NSMAF: variants seen among roughly 807,000 people sequenced by gnomAD.
NSMAF encodes the protein neutral sphingomyelinase activation associated factor.
Under a neutral mutation model 134.9 loss-of-function variants are expected in NSMAF, and 90 were observed. That is an observed-to-expected ratio of 0.67 (90% CI 0.56 to 0.79). The LOEUF (loss-of-function observed/expected upper bound fraction) is 0.79. Ranked by LOEUF, NSMAF falls within the 30% of genes least tolerant of loss-of-function variation. The pLI is 0.00. For synonymous variants in NSMAF, 358 were observed against 389.6 expected, an observed-to-expected ratio of 0.92 and a Z score of 0.96; for missense variants, 1,010 against 1,119.0, an observed-to-expected ratio of 0.90 and a Z score of 1.39.
chr8:58,645,312 T>A (rs903308875), intron 1 of NSMAF, among the ~76,000 whole-genome samples: 2 of 151,952 alleles, frequency 1.3e-5, no homozygotes, highest in African/African-American at 4.8e-5. Flanking sequence ...TCAGGCACAG[T>A]GGAGAGCAGG....
rs1340307746 is a variant in NSMAF, at chr8:58,641,068, T to C, written c.149+1916A>G. 2.6e-5 allele frequency among the ~76,000 whole-genome samples: 4 copies of C among 152,002 alleles called. No homozygotes were observed. In the East Asian group the frequency reaches 5.8e-4, roughly 22 times the overall value. On this transcript the variant is annotated intron_variant, in intron 2 of 30. Transcript: ENST00000038176. The stretch of plus-strand genomic sequence containing the variant: ...TCCCAAGTAGCTGGGATTACAAGGG[T>C]GCACCACCACGCCTGGCTAATTTTT...
intron 10 of NSMAF, 69 bp downstream of exon 10, chr8:58,609,535 T>C: frequency 1.3e-6 from 2 of 1,548,872 alleles, no homozygotes; most frequent in South Asian, 1.1e-5. Context: ...GTCCCTGGCA[T>C]TGTGAGGCCA....
At chr8:58,646,001 A>G (rs148946537) in intron 1 of NSMAF, among the ~76,000 whole-genome samples, 4,113 of 152,310 alleles carry the variant, frequency 0.027, 203 homozygotes, top group African/African-American at 0.093. Flanking sequence ...AGATCGCGCC[A>G]CTGCACTCCA....
chr8:58,639,771 A>G (rs947087141), intron 2 of NSMAF, among the ~76,000 whole-genome samples: 2 of 152,168 alleles, frequency 1.3e-5, no homozygotes, highest in Admixed American at 6.5e-5. Flanking sequence ...ACATATAAAA[A>G]TAGACATACA....
Position 58,587,672 on chromosome 8 carries a change from T to G in NSMAF, c.2241A>C (p.Pro747=), listed in dbSNP as rs1242358147. ...AGTCAAAGTGGTGTCTTTTGGTGCC[T>G]GGCATCTCTGCAGGAACACCAGACC... ...KVWSGVPAEM[P]GTKRHHFDLL... Residue 747 remains proline, a synonymous_variant, in exon 27 of 31, where the codon CCA becomes CCC. Transcript: ENST00000038176. 1 of 1,614,188 alleles carries G rather than the reference T, an allele frequency of 6.2e-7. No individual in the cohort carries two copies.
At chr8:58,652,056 G>A (rs948422758) in intron 1 of NSMAF, among the ~76,000 whole-genome samples, 16 of 152,200 alleles carry the variant, frequency 1.1e-4, no homozygotes, top group African/African-American at 3.6e-4. Context: ...CAGTGGAAAA[G>A]AGGTTGGACT....
chr8:58,657,431 A>G (rs921050401), intron 1 of NSMAF, among the ~76,000 whole-genome samples: 2 of 152,232 alleles, frequency 1.3e-5, no homozygotes, highest in Non-Finnish European at 2.9e-5. Flanking sequence ...TTTCCTGGGT[A>G]TGCTGGAGCC....
At position 58,601,546 on chromosome 8, in the gene NSMAF, G is replaced by GGAAAA. The variant is rs1554573854; in HGVS notation, c.1126-12_1126-11insTTTTC. Reference sequence around the variant, plus strand: ...TTCCTGGTAGCGTGTCTAGAATACAGAAAAAAAAAAAAAATAGAGCTAAGT... The same window carrying GGAAAA: ...TTCCTGGTAGCGTGTCTAGAATACAGGAAAAAAAAAAAAAAAAAATAGAGCTAAGT... On this transcript the variant is annotated splice_polypyrimidine_tract_variant and intron_variant, in intron 14 of 30. Transcript: ENST00000038176. 4.8e-5 allele frequency: 70 copies of GGAAAA among 1,444,034 alleles called. No individual in the cohort carries two copies. In the South Asian group the frequency reaches 8.3e-4, roughly 17 times the overall value. The allele number at this position is 1,444,034 out of a possible 1,614,324, so 89.5% of individuals were successfully genotyped here.
At chr8:58,636,006 T>A (rs1321942180) in intron 2 of NSMAF, among the ~76,000 whole-genome samples, 1 of 152,240 alleles carries the variant, frequency 6.6e-6, no homozygotes, top group African/African-American at 2.4e-5. Context: ...CCCATTCTAC[T>A]GAAGGTTATG....
intron 12 of NSMAF, among the ~76,000 whole-genome samples, chr8:58,604,652 T>G (rs1390714824): frequency 2.0e-5 from 3 of 151,940 alleles, no homozygotes; most frequent in African/African-American, 7.2e-5. Flanking sequence ...TAAGGGAAGA[T>G]GTACTTTACT....
intron 1 of NSMAF, among the ~76,000 whole-genome samples, 196 bp from the exon 2 acceptor site, chr8:58,643,269 A>C (rs138913829): frequency 6.6e-6 from 1 of 152,148 alleles, no homozygotes; most frequent in Admixed American, 6.5e-5. Context: ...CTTGTGTCCA[A>C]ATAACTACTA....
chr8:58,617,224 C>T (rs1806677977), intron 9 of NSMAF, among the ~76,000 whole-genome samples: 1 of 152,116 alleles, frequency 6.6e-6, no homozygotes, highest in African/African-American at 2.4e-5. Context: ...AAAACCTAAG[C>T]AATATCATTC....
chr8:58,643,597 G>A (rs10090212), intron 1 of NSMAF, among the ~76,000 whole-genome samples: 50,427 of 150,714 alleles, frequency 0.33, 8,645 homozygotes, highest in Non-Finnish European at 0.35. Context: ...AAATGGCGCA[G>A]TCTCAGCTCA....
At chr8:58,658,204 A>C (rs1485146375) in intron 1 of NSMAF, among the ~76,000 whole-genome samples, 1 of 152,182 alleles carries the variant, frequency 6.6e-6, no homozygotes, top group African/African-American at 2.4e-5. Context: ...TACTAAACAA[A>C]GAATCTCCAC....
rs376086571 is a variant in NSMAF, at chr8:58,622,843, A to G, written c.557+377T>C. ...CCACTGCACCTGGCCCTTAGAAAGAACATATTTTAAAACAATGTCAGGTAG... is the reference window on the plus strand; with the variant it reads ...CCACTGCACCTGGCCCTTAGAAAGAGCATATTTTAAAACAATGTCAGGTAG... On this transcript the variant is annotated intron_variant, in intron 9 of 30. Coordinates refer to ENST00000038176, the MANE Select transcript of NSMAF (RefSeq NM_003580.4). Among the ~76,000 whole-genome samples, 54 of 152,296 alleles carry G rather than the reference A, an allele frequency of 3.5e-4. 2 individuals are homozygous for G. In the East Asian group the frequency reaches 6.9e-3, roughly 20 times the overall value.
At chr8:58,639,908 A>C (rs903067631) in intron 2 of NSMAF, 7 of 325,078 alleles carry the variant, frequency 2.2e-5, no homozygotes, top group Admixed American at 1.7e-4. Flanking sequence ...CAAATACTAC[A>C]TGATTTCACG....
Position 58,583,754 on chromosome 8 carries a change from G to T in NSMAF, c.*352C>A. The stretch of plus-strand genomic sequence containing the variant: ...GCAGAGAATACTGCACATTTTCTTG[G>T]AAAATTTCTTAATTGTTCAGTGCTT... On this transcript the variant is annotated 3_prime_UTR_variant, in exon 31 of 31. Coordinates refer to ENST00000038176, the MANE Select transcript of NSMAF (RefSeq NM_003580.4). 3.8e-6 allele frequency: 1 copy of T among 262,990 alleles called. No homozygotes were observed. The highest frequency in any genetic ancestry group is 1.3e-4 in the East Asian group (1 of 7,688). 16.3% of individuals were successfully genotyped at this position (262,990 alleles called of 1,614,324 possible).
At chr8:58,639,288 A>T (rs78320292) in intron 2 of NSMAF, among the ~76,000 whole-genome samples, 7 of 131,348 alleles carry the variant, frequency 5.3e-5, no homozygotes, top group African/African-American at 2.3e-4. Flanking sequence ...CGTCTCAATA[A>T]AAAAAAAAAA....
At chr8:58,639,986 A>G (rs1807296247) in intron 2 of NSMAF, 2 of 415,092 alleles carry the variant, frequency 4.8e-6, no homozygotes, top group Non-Finnish European at 9.6e-6. Context: ...TTTAGGTGGG[A>G]AAGCTCAGAG....
Sources: allele counts gnomAD v4.1 joint callset (sites outside exome capture counted in the v4.1 genomes callset), GRCh38; gene constraint gnomAD v4.1.1; transcripts MANE v1.5; gene names NCBI Gene and HGNC (gene_info 2026-07-23, HGNC 2026-07-21).